The following PARL variants were observed in gnomAD, a reference collection of about 807,000 sequenced individuals.
The protein encoded by PARL is presenilin associated rhomboid like.
In PARL, 44 loss-of-function variants were observed where a neutral mutation model predicts 51.6. The ratio of observed to expected loss-of-function variants is 0.85; its 90% CI spans 0.67 to 1.10. The LOEUF (loss-of-function observed/expected upper bound fraction) is 1.10, where lower values mean the gene tolerates loss of function less well. Ranked by LOEUF, PARL falls within the 50% of genes least tolerant of loss-of-function variation. PARL has a pLI of 0.00. For synonymous variants in PARL, 172 were observed against 164.0 expected (o/e 1.05, Z -0.37); for missense variants, 441 against 469.5 (o/e 0.94, Z 0.56).
Position 183,829,438 on chromosome 3 carries a change from A to G in PARL, c.*160T>C. 6.3e-7 allele frequency: 1 copy of G among 1,584,822 alleles called. No individual in the cohort carries two copies. Among genetic ancestry groups the G allele is most frequent in the East Asian group, 2.2e-5 (1 of 44,534 alleles). On this transcript the variant is annotated 3_prime_UTR_variant, in exon 10 of 10. Coordinates refer to ENST00000317096, the MANE Select transcript of PARL (RefSeq NM_018622.7). ...ATTTCACAACTTTATCATCATTCAC[A>G]TTCTAAAAAGACACGGACTGGGGGA...
At position 183,833,732 on chromosome 3, in the gene PARL, C is replaced by A; in HGVS notation, c.922G>T (p.Ala308Ser). Residue 308 changes from alanine to serine, a missense_variant, in exon 8 of 10, where the codon GCA becomes TCA. Coordinates refer to ENST00000317096, the MANE Select transcript of PARL (RefSeq NM_018622.7). ...IIFLPMFTFTAGNALKAIIAM... is the reference protein window; with the variant it reads ...IIFLPMFTFTSGNALKAIIAM... ...TTCATAAAAATACTTACATTCCCTG[C>A]TGTGAACGTGAACATCGGAAGGAAA... 1 of 1,604,356 alleles carries A rather than the reference C, an allele frequency of 6.2e-7. No homozygotes were observed.
intron 4 of PARL, among the ~76,000 whole-genome samples, chr3:183,850,551 A>C (rs568651519): frequency 1.3e-5 from 2 of 152,314 alleles, no homozygotes; most frequent in Admixed American, 1.3e-4. Context: ...CACACTATTC[A>C]ACTTACTACA....
rs775252925 is a variant in PARL, at chr3:183,873,124, C to T, written c.126-5064G>A. On this transcript the variant is annotated intron_variant, in intron 1 of 9. Transcript: ENST00000317096. ...TGGAGATAGGTCTAGTAAGTAAAGT[C>T]GCAATTAATTAATCAAAACAAGTAA... Among the ~76,000 whole-genome samples, 16 of 152,200 alleles carry T rather than the reference C, an allele frequency of 1.1e-4. 1 individual carries two copies. The highest frequency in any genetic ancestry group is 4.6e-4 in the Admixed American group (7 of 15,284).
intron 4 of PARL, among the ~76,000 whole-genome samples, chr3:183,855,955 C>CA (rs1731099755): frequency 9.5e-6 from 1 of 105,058 alleles, no homozygotes; most frequent in Admixed American, 1.0e-4. Flanking sequence ...GACTCTGTCT[C>CA]AAAAAAATAA....
intron 9 of PARL, among the ~76,000 whole-genome samples, chr3:183,830,786 A>G (rs546649362): frequency 1.1e-4 from 16 of 152,372 alleles, no homozygotes; most frequent in Non-Finnish European, 1.8e-4. Flanking sequence ...GAATCTTAAT[A>G]TTCACTAAAT....
At position 183,866,706 on chromosome 3, in the gene PARL, C is replaced by G. The variant is rs1337462504; in HGVS notation, c.381G>C (p.Arg127Ser). Residue 127 changes from arginine to serine, a missense_variant, in exon 3 of 10, where the codon AGG (arginine) becomes AGC (serine). Arg to Ser is a moderately radical substitution (Grantham distance 110, BLOSUM62 -1). Coordinates refer to ENST00000317096, the MANE Select transcript of PARL (RefSeq NM_018622.7). ...AIWQYESLKS[R>S]VQSYFDGIKA... ...TTATACCATCAAAATAACTCTGGAC[C>G]CTGGATTTCAGTGATTCATATTGCC... 6.2e-7 allele frequency: 1 copy of G among 1,611,664 alleles called. No homozygotes were observed. The highest frequency in any genetic ancestry group is 8.5e-7 in the Non-Finnish European group (1 of 1,178,092).
chr3:183,864,222 G>T (rs547771455), intron 3 of PARL, among the ~76,000 whole-genome samples: 28 of 152,250 alleles, frequency 1.8e-4, no homozygotes, highest in Non-Finnish European at 3.1e-4. Context: ...GGAAAACAAG[G>T]AGGAATGAAT....
At position 183,867,828 on chromosome 3, in the gene PARL, A is replaced by T. The variant is rs945438557; in HGVS notation, c.321+37T>A. The T allele has an allele frequency of 4.1e-6, 6 of 1,466,486 alleles. No individual in the cohort carries two copies. In the Admixed American group the frequency reaches 8.4e-5, roughly 20 times the overall value. The allele number at this position is 1,466,486 out of a possible 1,614,324, so 90.8% of individuals were successfully genotyped here. A position where few individuals can be genotyped will look rare whatever the true frequency, so the allele number is the denominator to read the frequency against. ...CAAAGTACTTTAACACTGCATTTCT[A>T]GCAAGGTAGGTAACTCCTAGCAAAG... is the stretch of plus-strand genomic sequence containing the variant. On this transcript the variant is annotated intron_variant, in intron 2 of 9. Coordinates refer to ENST00000317096, the MANE Select transcript of PARL (RefSeq NM_018622.7).
At chr3:183,879,879 A>ATTTTTTTTTTT (rs532111761) in intron 1 of PARL, 13 of 131,314 alleles carry the variant, frequency 9.9e-5, no homozygotes, top group African/African-American at 2.0e-4. Flanking sequence ...ACCAGGACTG[A>ATTTTTTTTTTT]TTTTTTTTTT....
At position 183,834,911 on chromosome 3, in the gene PARL, T is replaced by G. The variant is rs1168095395; in HGVS notation, c.829-1086A>C. 2.7e-5 allele frequency among the ~76,000 whole-genome samples: 3 copies of G among 112,192 alleles called. No homozygotes were observed. The Admixed American group carries it at 2.8e-4, about 10-fold the overall frequency. The allele number at this position is 112,192 out of a possible 152,430, so 73.6% of individuals were successfully genotyped here. A position where few individuals can be genotyped will look rare whatever the true frequency, so the allele number is the denominator to read the frequency against. On this transcript the variant is annotated intron_variant, in intron 7 of 9. Transcript: ENST00000317096. ...CAAAAAAAAAAAAAAAAAAAAAAAT[T>G]AGCTGGGCGTGGTGGCGGATGCTTA... is the stretch of plus-strand genomic sequence containing the variant.
chr3:183,833,987 G>T (rs145888635), intron 7 of PARL, among the ~76,000 whole-genome samples, 162 bp from the exon 8 acceptor site: 1 of 152,162 alleles, frequency 6.6e-6, no homozygotes, highest in Non-Finnish European at 1.5e-5. Context: ...CCCAATAATA[G>T]GTGAAGGAAC....
At chr3:183,848,181 T>C (rs893194949) in intron 4 of PARL, among the ~76,000 whole-genome samples, 1 of 152,216 alleles carries the variant, frequency 6.6e-6, no homozygotes, top group African/African-American at 2.4e-5. Flanking sequence ...CCAGGGTGTA[T>C]TTACTTAAGA....
At chr3:183,840,704 C>CT in intron 6 of PARL, 64 bp from the exon 7 acceptor site, 50 of 747,378 alleles carry the variant, frequency 6.7e-5, no homozygotes, top group South Asian at 2.2e-4. Context: ...TTTTTTTTTT[C>CT]TTTTCTTTTT....
intron 1 of PARL, among the ~76,000 whole-genome samples, chr3:183,879,222 C>T (rs913401224): frequency 2.0e-5 from 3 of 152,226 alleles, no homozygotes; most frequent in Admixed American, 1.3e-4. Flanking sequence ...ACCAAGCCCA[C>T]GATTGGCTTA....
At chr3:183,862,945 T>C in intron 3 of PARL, 144 bp from the exon 4 acceptor site, 2 of 727,864 alleles carry the variant, frequency 2.7e-6, no homozygotes, top group East Asian at 2.7e-5. Flanking sequence ...AAATACGTGG[T>C]AGAGTGGAAA....
chr3:183,836,806 C>T (rs942742839), intron 7 of PARL, among the ~76,000 whole-genome samples: 8 of 152,174 alleles, frequency 5.3e-5, no homozygotes, highest in Non-Finnish European at 8.8e-5. Flanking sequence ...TGCGGTGGCA[C>T]GATCTCACTG....
At chr3:183,859,029 G>A (rs1476368124) in intron 4 of PARL, among the ~76,000 whole-genome samples, 3 of 152,046 alleles carry the variant, frequency 2.0e-5, no homozygotes, top group African/African-American at 7.2e-5. Context: ...CAGACTCGCC[G>A]GGCGCGGTGG....
intron 1 of PARL, among the ~76,000 whole-genome samples, chr3:183,871,963 T>C (rs192462790): frequency 2.3e-4 from 35 of 151,994 alleles, no homozygotes; most frequent in Admixed American, 9.8e-4. Context: ...CTCAGAATAA[T>C]AGCATAGCTA....
At chr3:183,837,716 G>C (rs1728800011) in intron 7 of PARL, among the ~76,000 whole-genome samples, 1 of 152,196 alleles carries the variant, frequency 6.6e-6, no homozygotes, top group Non-Finnish European at 1.5e-5. Flanking sequence ...TGAAACAGCA[G>C]ATTTCAATAA....
Sources: allele counts gnomAD v4.1 joint callset (sites outside exome capture counted in the v4.1 genomes callset), GRCh38; gene constraint gnomAD v4.1.1; transcripts MANE v1.5; gene names NCBI Gene and HGNC (gene_info 2026-07-23, HGNC 2026-07-21).